HPS1: variants seen among roughly 807,000 people sequenced by gnomAD.
The protein encoded by HPS1 is BLOC-3 complex member HPS1.
A neutral mutation model predicts 90.6 loss-of-function variants in HPS1; 59 were observed. The observed-to-expected ratio is 0.65, with a 90% CI of 0.53 to 0.81. The LOEUF is 0.81. HPS1 is among the 30% of genes least tolerant of loss of function. HPS1 has a pLI of 0.00. For missense variants in HPS1, 849 were observed against 896.7 expected (o/e 0.95, Z 0.68); for synonymous variants, 388 against 384.4 (o/e 1.01, Z -0.11).
intron 19 of HPS1, 68 bp downstream of exon 19, chr10:98,418,107 C>G (rs998897755): frequency 9.5e-7 from 1 of 1,051,672 alleles, no homozygotes; most frequent in African/African-American, 1.6e-5. Flanking sequence ...AAGCTGCTCC[C>G]GGCAGAGGCG....
chr10:98,429,171 T>C (rs1278273110), intron 10 of HPS1: 37 of 1,047,344 alleles, frequency 3.5e-5, no homozygotes, highest in Non-Finnish European at 4.1e-5. Context: ...TTTTTTTTAT[T>C]GTTTACCCAC....
Position 98,423,704 on chromosome 10 carries a change from C to G in HPS1, c.1533-36G>C, listed in dbSNP as rs200679208. On this transcript the variant is annotated intron_variant, in intron 15 of 19. Coordinates refer to ENST00000361490, the MANE Select transcript of HPS1 (RefSeq NM_000195.5). The stretch of plus-strand genomic sequence containing the variant: ...AAGCTCGGGCTGCGTGAAGGAAGTA[C>G]GGGCCCCAGACCCTGCCCTGGCCAC... 1.9e-6 allele frequency: 3 copies of G among 1,614,076 alleles called. No homozygotes were observed. The South Asian group carries it at 3.3e-5, about 18-fold the overall frequency.
intron 17 of HPS1, among the ~76,000 whole-genome samples, chr10:98,422,015 C>CACACAT (rs1399919600): frequency 4.0e-5 from 6 of 150,024 alleles, no homozygotes; most frequent in African/African-American, 1.5e-4. Context: ...CACACACACA[C>CACACAT]GTATAGTTTT....
Position 98,423,899 on chromosome 10 carries a change from AGAG to A in HPS1, c.1398-15_1398-13del. The A allele has an allele frequency of 1.2e-6, 2 of 1,613,146 alleles. No homozygotes were observed. The highest frequency in any genetic ancestry group is 2.2e-5 in the South Asian group (2 of 91,072). The stretch of plus-strand genomic sequence containing the variant: ...ATGCCTGGAGCAGCCTGAGCACGAG[AGAG>A]GAGGGCATTACAGCAGAAGGGACCT... On this transcript the variant is annotated splice_polypyrimidine_tract_variant and intron_variant, in intron 14 of 19. Transcript: ENST00000361490.
At position 98,428,526 on chromosome 10, in the gene HPS1, C is replaced by CTGTAA. The variant is rs543740703; in HGVS notation, c.937+1042_937+1046dup. On this transcript the variant is annotated intron_variant, in intron 10 of 19. Transcript: ENST00000361490. ...CACACCTGGGTCCCAGGCCCACAGA[C>CTGTAA]TGTAACTTAATTGGGCTGGCTGAAG... 3.7e-4 allele frequency among the ~76,000 whole-genome samples: 57 copies of CTGTAA among 152,308 alleles called. No homozygotes were observed. The East Asian group carries it at 4.6e-3, about 12-fold the overall frequency.
At chr10:98,436,111 G>GC (rs1847285581) in intron 3 of HPS1, among the ~76,000 whole-genome samples, 1 of 152,166 alleles carries the variant, frequency 6.6e-6, no homozygotes. Flanking sequence ...AGTCTATGCT[G>GC]TTTTTTGCAA....
chr10:98,438,432 G>C (rs1937770593), intron 3 of HPS1, among the ~76,000 whole-genome samples: 1 of 152,208 alleles, frequency 6.6e-6, no homozygotes, highest in South Asian at 2.1e-4. Context: ...AACTTATTTG[G>C]AACTGGAACA....
chr10:98,431,008 G>T, intron 7 of HPS1, 123 bp downstream of exon 7: 1 of 994,786 alleles, frequency 1.0e-6, no homozygotes, highest in Non-Finnish European at 1.6e-6. Context: ...AATCTGGGAA[G>T]GTTTCAGGCT....
intron 10 of HPS1, 95 bp downstream of exon 10, chr10:98,429,478 G>A: frequency 1.2e-6 from 2 of 1,603,198 alleles, no homozygotes; most frequent in Non-Finnish European, 1.7e-6. Context: ...AGCCTTAGGA[G>A]GCACGGGGGT....
At position 98,446,917 on chromosome 10, in the gene HPS1, C is replaced by G. The variant is rs1939725440; in HGVS notation, c.-216G>C. The stretch of plus-strand genomic sequence containing the variant: ...CGCGGCGCGCACAGCGCCCCGCCTG[C>G]AGGAGCCCGGGCGCGCTTCCGGGTA... On this transcript the variant is annotated 5_prime_UTR_variant, in exon 1 of 20. Coordinates refer to ENST00000361490, the MANE Select transcript of HPS1 (RefSeq NM_000195.5). 1 of 152,180 alleles carries G rather than the reference C, an allele frequency of 6.6e-6. No individual in the cohort carries two copies. Among genetic ancestry groups the G allele is most frequent in the Non-Finnish European group, 1.5e-5 (1 of 68,050 alleles). The allele number at this position is 152,180 out of a possible 1,614,324, so 9.4% of individuals were successfully genotyped here. A position where few individuals can be genotyped will look rare whatever the true frequency, so the allele number is the denominator to read the frequency against.
intron 15 of HPS1, 24 bp from the exon 16 acceptor site, chr10:98,423,692 G>T: frequency 1.9e-6 from 3 of 1,614,068 alleles, no homozygotes; most frequent in Non-Finnish European, 2.5e-6. Context: ...CTCGGGCTGC[G>T]TGAAGGAAGT....
chr10:98,415,345 C>T (rs1843983382), downstream of HPS1, among the ~76,000 whole-genome samples: 1 of 152,258 alleles, frequency 6.6e-6, no homozygotes, highest in Non-Finnish European at 1.5e-5. Context: ...GCCTATTAAC[C>T]AGGCGGTGTC....
At chr10:98,415,325 C>A (rs2274245), downstream of HPS1, 6 of 729,950 alleles carry the variant, frequency 8.2e-6, no homozygotes, top group Non-Finnish European at 1.1e-5. Flanking sequence ...GCTGGGCCGT[C>A]GGGAGTGTTG....
chr10:98,444,088 G>A (rs1564877625), intron 2 of HPS1, among the ~76,000 whole-genome samples: 2 of 151,886 alleles, frequency 1.3e-5, no homozygotes, highest in Non-Finnish European at 2.9e-5. Context: ...TCCAGAAGAT[G>A]AGCCTCAAAG....
downstream of HPS1, chr10:98,414,926 T>TC: frequency 6.5e-7 from 1 of 1,537,850 alleles, no homozygotes. Flanking sequence ...GGGGCTTGGC[T>TC]CCCCCTCCCC....
intron 6 of HPS1, among the ~76,000 whole-genome samples, chr10:98,432,161 C>G (rs559946529): frequency 6.6e-6 from 1 of 152,274 alleles, no homozygotes; most frequent in East Asian, 1.9e-4. Flanking sequence ...GTGAAATAGG[C>G]AGCGATAGAT....
At chr10:98,422,639 AT>A in intron 16 of HPS1, 126 bp from the exon 17 acceptor site, 1 of 939,488 alleles carries the variant, frequency 1.1e-6, no homozygotes, top group Non-Finnish European at 1.7e-6. Context: ...AGCAGCTTCC[AT>A]TTCAGCTAAG....
In HPS1 at chr10:98,430,575, A is replaced by C. The variant is rs756071476; in HGVS notation, c.764T>G (p.Ile255Ser). The C allele has an allele frequency of 6.4e-7, 1 of 1,552,462 alleles. No individual in the cohort carries two copies. Among genetic ancestry groups the C allele is most frequent in the South Asian group, 1.2e-5 (1 of 84,096 alleles). ...CCCAGAAAGCTGCCCTGAGACCTGAATGTCGTCCTCTGCTGTGCTCTCGCT... is the reference window on the plus strand; with the variant it reads ...CCCAGAAAGCTGCCCTGAGACCTGACTGTCGTCCTCTGCTGTGCTCTCGCT... ...YPSESTAEDDIQPSPRRARSS... is the reference protein window; with the variant it reads ...YPSESTAEDDSQPSPRRARSS... Residue 255 changes from isoleucine to serine, a missense_variant, in exon 8 of 20, where the codon ATT becomes AGT. By Grantham distance (142) the Ile-to-Ser change is moderately radical. Transcript: ENST00000361490.
At chr10:98,443,598 G>A (rs576686589) in intron 2 of HPS1, among the ~76,000 whole-genome samples, 1 of 152,310 alleles carries the variant, frequency 6.6e-6, no homozygotes, top group East Asian at 1.9e-4. Flanking sequence ...CACAGGAAGG[G>A]ACCCAGGTCT....
Sources: gnomAD v4.1 joint callset for allele counts (sites outside exome capture counted in the v4.1 genomes callset) on GRCh38, gnomAD v4.1.1 for gene constraint, MANE v1.5 for transcripts, NCBI Gene and HGNC (gene_info 2026-07-23, HGNC 2026-07-21) for gene names.